The following IFT43 variants were observed in gnomAD, a reference collection of about 807,000 sequenced individuals.
IFT43 encodes the protein intraflagellar transport protein 43 homolog.
IFT43 carries 33 observed loss-of-function variants against 32.3 expected under a neutral mutation model. The ratio of observed to expected loss-of-function variants is 1.02; its 90% confidence interval spans 0.77 to 1.37. IFT43 has a LOEUF of 1.37. Ranked by LOEUF, IFT43 falls within the 40% of genes most tolerant of loss-of-function variation. The pLI is 0.00. For synonymous variants in IFT43, 93 were observed against 98.2 expected, an observed-to-expected ratio of 0.95 and a Z score of 0.31; for missense variants, 274 against 265.9, an observed-to-expected ratio of 1.03 and a Z score of -0.21.
chr14:75,993,721 C>G (rs1357108446), intron 2 of IFT43, among the ~76,000 whole-genome samples: 11 of 152,192 alleles, frequency 7.2e-5, no homozygotes, highest in Admixed American at 7.2e-4. Flanking sequence ...CTTCCAGCTT[C>G]CTGCTCTGCT....
At chr14:76,034,412 A>G (rs376731489) in intron 3 of IFT43, among the ~76,000 whole-genome samples, 1 of 152,154 alleles carries the variant, frequency 6.6e-6, no homozygotes, top group East Asian at 1.9e-4. Flanking sequence ...CCCACCTCCA[A>G]CCACCATCCC....
At chr14:76,037,410 G>A (rs2036621403) in intron 3 of IFT43, among the ~76,000 whole-genome samples, 1 of 152,166 alleles carries the variant, frequency 6.6e-6, no homozygotes, top group African/African-American at 2.4e-5. Flanking sequence ...ATTGCTCATA[G>A]TTGCTAGAGC....
chr14:75,991,384 C>G (rs937771574), intron 2 of IFT43, among the ~76,000 whole-genome samples: 1 of 116,968 alleles, frequency 8.5e-6, no homozygotes, highest in African/African-American at 3.5e-5. Context: ...TAAATATTAA[C>G]AAGAGTGTGT....
intron 2 of IFT43, chr14:76,013,751 CAGGTTT>C (rs771293835): frequency 3.9e-4 from 134 of 339,624 alleles, no homozygotes; most frequent in Non-Finnish European, 6.7e-4. Context: ...TCGTAACATC[CAGGTTT>C]GAGGAAACTA....
At chr14:76,070,604 G>A (rs1428255843) in intron 5 of IFT43, among the ~76,000 whole-genome samples, 2 of 151,964 alleles carry the variant, frequency 1.3e-5, no homozygotes, top group African/African-American at 2.4e-5. Flanking sequence ...ATGTGTCCCC[G>A]CCCAAGTCTC....
rs546698302 is a variant in IFT43, at chr14:75,991,723, T to A, written c.147+2746T>A. Among the ~76,000 whole-genome samples the A allele has an allele frequency of 2.0e-5, 3 of 152,330 alleles. No individual in the cohort carries two copies. In the East Asian group the frequency reaches 5.8e-4, roughly 29 times the overall value. ...ACCTACTTATTTCGAGGTTTACCTT[T>A]TTTTAACTCTGTGCATTACCATTTT... is the stretch of plus-strand genomic sequence containing the variant. On this transcript the variant is annotated intron_variant, in intron 2 of 8. Coordinates refer to ENST00000314067, the MANE Select transcript of IFT43 (RefSeq NM_001102564.3).
intron 2 of IFT43, among the ~76,000 whole-genome samples, chr14:75,999,470 TATTC>T (rs1386434939): frequency 6.6e-6 from 1 of 151,416 alleles, no homozygotes; most frequent in Admixed American, 6.6e-5. Flanking sequence ...AGTAGAATTT[TATTC>T]ATTCATTTAC....
intron 3 of IFT43, chr14:76,038,247 G>A (rs1173267965): frequency 2.6e-5 from 4 of 152,172 alleles, no homozygotes; most frequent in South Asian, 2.1e-4. Context: ...AATTGTGCTC[G>A]CATTTCCAGT....
intron 3 of IFT43, among the ~76,000 whole-genome samples, chr14:76,025,233 A>ATC (rs1396393463): frequency 6.6e-6 from 1 of 152,148 alleles, no homozygotes; most frequent in Non-Finnish European, 1.5e-5. Context: ...ATCTTGAAAG[A>ATC]TCTCTATGAG....
rs1330975897 is a variant in IFT43, at chr14:75,999,257, ATATATATATATATATGTATATATAT to A, written c.147+10282_147+10306del. Among the ~76,000 whole-genome samples, 10 of 11,932 alleles carry A rather than the reference ATATATATATATATATGTATATATAT, an allele frequency of 8.4e-4. 1 individual carries two copies. Among genetic ancestry groups the A allele is most frequent in the African/African-American group, 4.3e-3 (10 of 2,308 alleles). 7.8% of individuals were successfully genotyped at this position (11,932 alleles called of 152,430 possible). On this transcript the variant is annotated intron_variant, in intron 2 of 8. Coordinates refer to ENST00000314067, the MANE Select transcript of IFT43 (RefSeq NM_001102564.3). The stretch of plus-strand genomic sequence containing the variant: ...TATATATATATATATATATATATAT[ATATATATATATATATGTATATATAT>A]TTTTTTTTTTTTTTTTTTAATTTTT...
chr14:76,034,543 A>G (rs768854519), intron 3 of IFT43, among the ~76,000 whole-genome samples: 67 of 152,216 alleles, frequency 4.4e-4, no homozygotes, highest in Non-Finnish European at 8.2e-4. Flanking sequence ...TAAGCTAGGT[A>G]TCCCTGTGCA....
At position 76,082,286 on chromosome 14, in the gene IFT43, T is replaced by A. The variant is rs372199985; in HGVS notation, c.296-9T>A. 2.3e-5 allele frequency: 37 copies of A among 1,613,538 alleles called. No homozygotes were observed. The highest frequency in any genetic ancestry group is 3.1e-5 in the Non-Finnish European group (37 of 1,179,532). ...CTGCAGACAGTGTTGCCTCTGCCTC[T>A]CCTTGCAGATATTCCTATCATTCCG... On this transcript the variant is annotated splice_polypyrimidine_tract_variant and intron_variant, in intron 5 of 8. Transcript: ENST00000314067.
chr14:76,053,777 A>G (rs528870057), intron 3 of IFT43, among the ~76,000 whole-genome samples: 1 of 152,370 alleles, frequency 6.6e-6, no homozygotes, highest in South Asian at 2.1e-4. Flanking sequence ...GTGCTGATTC[A>G]GCAACCTCTG....
chr14:76,036,106 C>T (rs1438921179), intron 3 of IFT43, among the ~76,000 whole-genome samples: 2 of 152,138 alleles, frequency 1.3e-5, no homozygotes, highest in African/African-American at 4.8e-5. Context: ...ACCTTTCCTG[C>T]TGCTGCTGGA....
intron 3 of IFT43, among the ~76,000 whole-genome samples, chr14:76,039,334 T>C (rs570716931): frequency 6.6e-6 from 1 of 152,270 alleles, no homozygotes; most frequent in African/African-American, 2.4e-5. Context: ...CGTTTTTAAA[T>C]TTTTTGTAGA....
At chr14:76,024,012 T>G (rs1290006357) in intron 3 of IFT43, among the ~76,000 whole-genome samples, 2 of 152,158 alleles carry the variant, frequency 1.3e-5, no homozygotes, top group Admixed American at 1.3e-4. Context: ...TGCTTATCAC[T>G]AGAGACAGAA....
chr14:76,032,465 C>G (rs1373989865), intron 3 of IFT43, among the ~76,000 whole-genome samples: 1 of 152,222 alleles, frequency 6.6e-6, no homozygotes, highest in Non-Finnish European at 1.5e-5. Context: ...TACCTTACCT[C>G]ACTTTACATA....
intron 2 of IFT43, among the ~76,000 whole-genome samples, chr14:75,991,430 T>C (rs1042694308): frequency 1.7e-4 from 26 of 150,442 alleles, no homozygotes; most frequent in Non-Finnish European, 1.8e-4. Flanking sequence ...TGTGTGTATG[T>C]ATGTATATAT....
At chr14:76,010,609 AT>A (rs1250911777) in intron 2 of IFT43, among the ~76,000 whole-genome samples, 6 of 151,924 alleles carry the variant, frequency 3.9e-5, no homozygotes, top group Non-Finnish European at 8.8e-5. Flanking sequence ...TTTATACATA[AT>A]TTTTTGCTGA....
Sources: allele counts gnomAD v4.1 joint callset (sites outside exome capture counted in the v4.1 genomes callset), GRCh38; gene constraint gnomAD v4.1.1; transcripts MANE v1.5; gene names NCBI Gene and HGNC (gene_info 2026-07-23, HGNC 2026-07-21).